The following OCEL1 variants were observed in gnomAD, a reference collection of about 807,000 sequenced individuals.
The protein encoded by OCEL1 is occludin/ELL domain-containing protein 1.
OCEL1 carries 24 observed loss-of-function variants against 29.4 expected under a neutral mutation model. That is an observed-to-expected ratio of 0.82 (90% confidence interval 0.59 to 1.15). The LOEUF (loss-of-function observed/expected upper bound fraction) is 1.15, where lower values mean the gene tolerates loss of function less well. OCEL1 is among the 50% of genes most tolerant of loss of function. OCEL1 has a pLI of 0.00. For missense variants in OCEL1, 402 were observed against 352.5 expected, an observed-to-expected ratio of 1.14 and a Z score of -1.13; for synonymous variants, 172 against 145.3, an observed-to-expected ratio of 1.18 and a Z score of -1.32.
At position 17,228,242 on chromosome 19, in the gene OCEL1, T is replaced by C; in HGVS notation, c.619-14T>C. 6.2e-7 allele frequency: 1 copy of C among 1,613,554 alleles called. No homozygotes were observed. Among genetic ancestry groups the C allele is most frequent in the Non-Finnish European group, 8.5e-7 (1 of 1,179,816 alleles). The stretch of plus-strand genomic sequence containing the variant: ...AACTCTCCCTAAACCCCCTTTCTAC[T>C]CCTCCCCTTGCAGAAGGAGGCCCAA... On this transcript the variant is annotated splice_polypyrimidine_tract_variant and intron_variant, in intron 4 of 5. Coordinates refer to ENST00000215061, the MANE Select transcript of OCEL1 (RefSeq NM_024578.3).
In OCEL1 at chr19:17,229,191, C is replaced by T. The variant is rs900282059; in HGVS notation, c.*266C>T. On this transcript the variant is annotated 3_prime_UTR_variant, in exon 6 of 6. Coordinates refer to ENST00000215061, the MANE Select transcript of OCEL1 (RefSeq NM_024578.3). The stretch of plus-strand genomic sequence containing the variant: ...TGGAAGTAGGGCCTGCTCTCCATCC[C>T]AGTGAAATAAACATGTATTAGACAC... 13 of 317,856 alleles carry T rather than the reference C, an allele frequency of 4.1e-5. No individual in the cohort carries two copies. Among genetic ancestry groups the T allele is most frequent in the African/African-American group, 2.7e-4 (13 of 48,064 alleles). The allele number at this position is 317,856 out of a possible 1,614,324, so 19.7% of individuals were successfully genotyped here. A position where few individuals can be genotyped will look rare whatever the true frequency, so the allele number is the denominator to read the frequency against.
chr19:17,226,328 C>T lies in OCEL1; in HGVS notation c.69+12C>T. On this transcript the variant is annotated intron_variant, in intron 1 of 5. Coordinates refer to ENST00000215061, the MANE Select transcript of OCEL1 (RefSeq NM_024578.3). ...AGACGCTGGGACAGGTGACCCGGGG[C>T]GGTAGCGAGCCGGACGGCCTTGCAG... is the stretch of plus-strand genomic sequence containing the variant. 1.2e-6 allele frequency: 2 copies of T among 1,609,630 alleles called. No individual in the cohort carries two copies. Among genetic ancestry groups the T allele is most frequent in the South Asian group, 1.1e-5 (1 of 90,308 alleles).
chr19:17,228,079 G>A (rs2073378649), intron 4 of OCEL1, 74 bp downstream of exon 4: 1 of 1,572,098 alleles, frequency 6.4e-7, no homozygotes, highest in Admixed American at 1.8e-5. Flanking sequence ...GACACCCACT[G>A]GGTCCAGATT....
At chr19:17,226,604 G>A in intron 1 of OCEL1, 89 bp from the exon 2 acceptor site, 12 of 1,325,818 alleles carry the variant, frequency 9.1e-6, no homozygotes, top group East Asian at 2.6e-5. Flanking sequence ...CCCGCGGGGT[G>A]AGAGTTGGCC....
rs764881980 is a variant in OCEL1, at chr19:17,227,915, C to G, written c.528C>G (p.Phe176Leu). Residue 176 changes from phenylalanine to leucine, a missense_variant, in exon 4 of 6, where the codon TTC becomes TTG. Coordinates refer to ENST00000215061, the MANE Select transcript of OCEL1 (RefSeq NM_024578.3). ...VAVFQDQYGE[F>L]LELQHEVGCA... ...TGTTCCAGGACCAGTACGGAGAGTT[C>G]TTGGAGCTCCAGCACGAGGTGGGGT... 1 of 1,613,764 alleles carries G rather than the reference C, an allele frequency of 6.2e-7. No individual in the cohort carries two copies. The highest frequency in any genetic ancestry group is 1.1e-5 in the South Asian group (1 of 91,054).
rs1469482960 is a variant in OCEL1, at chr19:17,228,814, C to T, written c.684C>T (p.Phe228=). The stretch of plus-strand genomic sequence containing the variant: ...CTCGCCCTGCCTAGGATCCTGGCTT[C>T]CTGGACAAGCAGGCTCGCTGCCACT... The part of the protein sequence containing the change: ...EFEMKRMDPG[F]LDKQARCHYL... The change falls in exon 6 of 6, where the codon TTC becomes TTT. Residue 228 remains phenylalanine, a synonymous_variant. Coordinates refer to ENST00000215061, the MANE Select transcript of OCEL1 (RefSeq NM_024578.3). The T allele has an allele frequency of 1.2e-6, 2 of 1,613,254 alleles. No individual in the cohort carries two copies. The highest frequency in any genetic ancestry group is 2.7e-5 in the African/African-American group (2 of 74,922).
At position 17,226,254 on chromosome 19, in the gene OCEL1, A is replaced by T. The variant is rs372241198; in HGVS notation, c.7A>T (p.Asn3Tyr). 6.2e-7 allele frequency: 1 copy of T among 1,610,584 alleles called. No individual in the cohort carries two copies. Among genetic ancestry groups the T allele is most frequent in the Non-Finnish European group, 8.5e-7 (1 of 1,178,978 alleles). Residue 3 changes from asparagine to tyrosine, a missense_variant, in exon 1 of 6, where the codon AAC (asparagine) becomes TAC (tyrosine). Physicochemically the swap from Asn to Tyr is moderately radical, Grantham distance 143. Coordinates refer to ENST00000215061, the MANE Select transcript of OCEL1 (RefSeq NM_024578.3). MHNPDGSASPTAD... is the reference protein window; with the variant it reads MHYPDGSASPTAD... ...CGGGTCCATCCTGCAGTAAATGCACAACCCGGACGGAAGTGCCTCTCCGAC... is the reference window on the plus strand; with the variant it reads ...CGGGTCCATCCTGCAGTAAATGCACTACCCGGACGGAAGTGCCTCTCCGAC...
chr19:17,227,249 C>G (rs2073371484), intron 3 of OCEL1, 50 bp downstream of exon 3: 3 of 1,420,990 alleles, frequency 2.1e-6, no homozygotes, highest in Non-Finnish European at 1.9e-6. Flanking sequence ...GAGAGGGGCA[C>G]TGAGGCTGGG....
Position 17,226,827 on chromosome 19 carries a change from C to G in OCEL1, c.204C>G (p.Ser68=). 6.3e-7 allele frequency: 1 copy of G among 1,581,074 alleles called. No individual in the cohort carries two copies. The highest frequency in any genetic ancestry group is 8.6e-7 in the Non-Finnish European group (1 of 1,168,514). Reference sequence around the variant, plus strand: ...GGGAGCCCCCAAAGACTCGCGGCTCCCGGGGGCACCTGCATACTCACCCGC... The same window carrying G: ...GGGAGCCCCCAAAGACTCGCGGCTCGCGGGGGCACCTGCATACTCACCCGC... ...PTREPPKTRG[S]RGHLHTHPPG... Residue 68 remains serine, a synonymous_variant, in exon 2 of 6, where the codon TCC becomes TCG. Transcript: ENST00000215061.
chr19:17,229,050 C>G lies in OCEL1; in HGVS notation c.*125C>G. On this transcript the variant is annotated 3_prime_UTR_variant, in exon 6 of 6. Transcript: ENST00000215061. ...TCGCTTTCTCCTGGATTGCAAATGC[C>G]TCTTCAGTTTGGACTCAGCTCTGAC... 1 of 1,181,846 alleles carries G rather than the reference C, an allele frequency of 8.5e-7. No individual in the cohort carries two copies. The highest frequency in any genetic ancestry group is 1.2e-6 in the Non-Finnish European group (1 of 858,938). 73.2% of individuals were successfully genotyped at this position (1,181,846 alleles called of 1,614,324 possible).
In OCEL1 at chr19:17,227,034, C is replaced by A; in HGVS notation, c.287C>A (p.Pro96His). ...CCCCGAGGCCTCAAAACCAGCGCCC[C>A]CCGCCCTCCGTGCCAGCCCCAGCCG... is the stretch of plus-strand genomic sequence containing the variant. ...LAPRGLKTSA[P>H]RPPCQPQPGP... Residue 96 changes from proline (P) to histidine (H), a missense_variant, in exon 3 of 6, where the codon CCC becomes CAC. Transcript: ENST00000215061. The A allele has an allele frequency of 6.2e-7, 1 of 1,604,490 alleles. No individual in the cohort carries two copies. Among genetic ancestry groups the A allele is most frequent in the Non-Finnish European group, 8.5e-7 (1 of 1,177,776 alleles).
In OCEL1 at chr19:17,226,271, C is replaced by G. The variant is rs757265780; in HGVS notation, c.24C>G (p.Ala8=). The change falls in exon 1 of 6, where the codon GCC becomes GCG. Residue 8 remains alanine, a synonymous_variant. Coordinates refer to ENST00000215061, the MANE Select transcript of OCEL1 (RefSeq NM_024578.3). ...AAATGCACAACCCGGACGGAAGTGC[C>G]TCTCCGACAGCAGATCCAGGCTCGG... MHNPDGS[A]SPTADPGSEL... The G allele has an allele frequency of 6.2e-7, 1 of 1,612,312 alleles. No individual in the cohort carries two copies. The highest frequency in any genetic ancestry group is 1.1e-5 in the South Asian group (1 of 90,802).
chr19:17,228,849 G>C lies in OCEL1; in HGVS notation c.719G>C (p.Gly240Ala). Reference sequence around the variant, plus strand: ...CAGGCTCGCTGCCACTACCTGAAGGGTAAACTGAGGCATCTCAAGACTCAG... The same window carrying C: ...CAGGCTCGCTGCCACTACCTGAAGGCTAAACTGAGGCATCTCAAGACTCAG... Reference protein sequence around the residue: ...DKQARCHYLKGKLRHLKTQIQ... With the variant: ...DKQARCHYLKAKLRHLKTQIQ... Residue 240 changes from glycine (G) to alanine (A), a missense_variant, in exon 6 of 6, where the codon GGT becomes GCT. Transcript: ENST00000215061. The C allele has an allele frequency of 6.2e-7, 1 of 1,613,862 alleles. No individual in the cohort carries two copies.
rs1034117931 is a variant in OCEL1 at position 17,227,012 on chromosome 19, C to T, written c.265C>T (p.Arg89Ter). 4 of 1,589,118 alleles carry T rather than the reference C, an allele frequency of 2.5e-6. No homozygotes were observed. Among genetic ancestry groups the T allele is most frequent in the African/African-American group, 2.7e-5 (2 of 72,774 alleles). ...GTGGCAGCTGCAGGGACTGGCGCCC[C>T]GAGGCCTCAAAACCAGCGCCCCCCG... ...PGPPLQGLAP[R>*]GLKTSAPRPP... The change falls in exon 3 of 6, where the codon CGA (arginine) becomes TGA (stop). Residue 89 changes from arginine (R) to a stop codon, truncating the protein, a stop_gained. Transcript: ENST00000215061. LOFTEE classifies it high-confidence loss of function.
At position 17,227,876 on chromosome 19, in the gene OCEL1, C is replaced by T. The variant is rs2073376197; in HGVS notation, c.489C>T (p.Ser163=). Residue 163 remains serine, a synonymous_variant, in exon 4 of 6, where the codon AGC becomes AGT. Coordinates refer to ENST00000215061, the MANE Select transcript of OCEL1 (RefSeq NM_024578.3). The part of the protein sequence containing the change: ...YPPVSSERER[S]RYVAVFQDQY... Reference sequence around the variant, plus strand: ...CAGTGAGCAGTGAGAGGGAACGGAGCCGCTATGTCGCAGTGTTCCAGGACC... The same window carrying T: ...CAGTGAGCAGTGAGAGGGAACGGAGTCGCTATGTCGCAGTGTTCCAGGACC... 6 of 1,613,796 alleles carry T rather than the reference C, an allele frequency of 3.7e-6. No individual in the cohort carries two copies. Among genetic ancestry groups the T allele is most frequent in the Non-Finnish European group, 4.2e-6 (5 of 1,180,016 alleles).
chr19:17,226,512 C>T (rs1242408788), intron 1 of OCEL1, 181 bp from the exon 2 acceptor site: 1 of 883,370 alleles, frequency 1.1e-6, no homozygotes, highest in Non-Finnish European at 1.7e-6. Context: ...TTGGGTTGCG[C>T]AGTCGTGGGC....
At chr19:17,226,561 A>C in intron 1 of OCEL1, 132 bp from the exon 2 acceptor site, 1 of 1,061,084 alleles carries the variant, frequency 9.4e-7, no homozygotes, top group South Asian at 1.7e-5. Context: ...GCGTGCGTCT[A>C]TGCAAATAGC....
intron 4 of OCEL1, 106 bp downstream of exon 4, chr19:17,228,111 G>C: frequency 6.5e-7 from 1 of 1,542,462 alleles, no homozygotes; most frequent in Non-Finnish European, 8.8e-7. Context: ...TTCTCCTCTC[G>C]GTTGGCTGGG....
rs1217444157 is a variant in OCEL1, at chr19:17,228,252, G to T, written c.619-4G>T. 1 of 1,613,994 alleles carries T rather than the reference G, an allele frequency of 6.2e-7. No homozygotes were observed. The highest frequency in any genetic ancestry group is 8.5e-7 in the Non-Finnish European group (1 of 1,179,974). ...AAACCCCCTTTCTACTCCTCCCCTTGCAGAAGGAGGCCCAAGTTGCAGCCC... is the reference window on the plus strand; with the variant it reads ...AAACCCCCTTTCTACTCCTCCCCTTTCAGAAGGAGGCCCAAGTTGCAGCCC... On this transcript the variant is annotated splice_polypyrimidine_tract_variant and splice_region_variant and intron_variant, in intron 4 of 5. Transcript: ENST00000215061.
Sources: allele counts gnomAD v4.1 joint callset, GRCh38; gene constraint gnomAD v4.1.1; transcripts MANE v1.5; gene names NCBI Gene and HGNC (gene_info 2026-07-23, HGNC 2026-07-21).